The following ZNF475 variants were observed in gnomAD, a reference collection of about 807,000 sequenced individuals.
The protein encoded by ZNF475 is zinc finger protein 475.
the ZNF475 span, among the ~76,000 whole-genome samples, chr5:122,173,983 C>A: frequency 1.1e-3 from 168 of 152,346 alleles, no homozygotes; most frequent in Middle Eastern, 3.4e-3. Context: ...TTCCTCTTTG[C>A]CTTTCTTGGA....
chr5:122,171,036 A>G, the ZNF475 span, among the ~76,000 whole-genome samples: 1 of 152,332 alleles, frequency 6.6e-6, no homozygotes, highest in East Asian at 1.9e-4. Context: ...TTATTATGCC[A>G]CAGCATTGTA....
the ZNF475 span, among the ~76,000 whole-genome samples, chr5:122,162,756 A>C: frequency 6.6e-6 from 1 of 152,202 alleles, no homozygotes; most frequent in Non-Finnish European, 1.5e-5. Context: ...TTATAAACTT[A>C]ACAGAAAACC....
chr5:122,174,707 G>A, the ZNF475 span, among the ~76,000 whole-genome samples: 19 of 152,112 alleles, frequency 1.2e-4, no homozygotes, highest in Admixed American at 9.8e-4. Flanking sequence ...ACGGTGACAC[G>A]AATGTCTTCA....
the ZNF475 span, among the ~76,000 whole-genome samples, chr5:122,165,438 T>C: frequency 6.6e-6 from 1 of 152,162 alleles, no homozygotes; most frequent in Non-Finnish European, 1.5e-5. Context: ...AGGGTAAGGA[T>C]TGTCATGTCT....
At chr5:122,164,524 T>G in the ZNF475 span, among the ~76,000 whole-genome samples, 31 of 152,220 alleles carry the variant, frequency 2.0e-4, no homozygotes, top group African/African-American at 6.7e-4. Context: ...AGGAGCCACA[T>G]GTTTGTGTGA....
the ZNF475 span, among the ~76,000 whole-genome samples, chr5:122,176,298 A>AT: frequency 2.5e-3 from 361 of 142,414 alleles, 1 homozygote; most frequent in African/African-American, 0.01. Context: ...GGTTTTAAAC[A>AT]TTTTTTTTCT....
the ZNF475 span, among the ~76,000 whole-genome samples, chr5:122,168,035 C>T: frequency 1.3e-5 from 2 of 152,054 alleles, no homozygotes; most frequent in African/African-American, 4.8e-5. Context: ...CAGTTGCATT[C>T]GTGTTTTGTT....
chr5:122,178,649 G>T, the ZNF475 span, among the ~76,000 whole-genome samples: 1 of 152,146 alleles, frequency 6.6e-6, no homozygotes, highest in African/African-American at 2.4e-5. Flanking sequence ...TTTGTCAGAT[G>T]AGTAGGTTGA....
the ZNF475 span, among the ~76,000 whole-genome samples, chr5:122,174,628 G>T: frequency 6.6e-6 from 1 of 152,102 alleles, no homozygotes; most frequent in Non-Finnish European, 1.5e-5. Flanking sequence ...CATTTCAGTT[G>T]TTCAGTATGT....
the ZNF475 span, among the ~76,000 whole-genome samples, chr5:122,171,650 A>T: frequency 6.6e-6 from 1 of 152,214 alleles, no homozygotes; most frequent in African/African-American, 2.4e-5. Context: ...ACTGTTTCAC[A>T]TGAAAAGTGA....
the ZNF475 span, among the ~76,000 whole-genome samples, chr5:122,164,439 G>C: frequency 5.3e-5 from 8 of 152,232 alleles, no homozygotes; most frequent in Non-Finnish European, 1.2e-4. Flanking sequence ...AGAGGAGGCA[G>C]TAGCATTGGG....
At chr5:122,168,953 G>T in the ZNF475 span, among the ~76,000 whole-genome samples, 1 of 152,106 alleles carries the variant, frequency 6.6e-6, no homozygotes, top group East Asian at 1.9e-4. Context: ...ATGAAGTCTG[G>T]GATCTGGACC....
At chr5:122,180,370 A>G in the ZNF475 span, among the ~76,000 whole-genome samples, 1 of 152,230 alleles carries the variant, frequency 6.6e-6, no homozygotes, top group Non-Finnish European at 1.5e-5. Context: ...CACAAAACAA[A>G]CTAGAAATCT....
chr5:122,174,789 G>A, the ZNF475 span, among the ~76,000 whole-genome samples: 1 of 151,866 alleles, frequency 6.6e-6, no homozygotes, highest in Non-Finnish European at 1.5e-5. Flanking sequence ...CTTTCCATGT[G>A]GAATTTTATT....
the ZNF475 span, chr5:122,162,138 T>C: frequency 6.6e-6 from 1 of 152,236 alleles, no homozygotes; most frequent in Non-Finnish European, 1.5e-5. Flanking sequence ...ATTGGAAATA[T>C]CAATAGTTCT....
At chr5:122,181,969 A>C in the ZNF475 span, among the ~76,000 whole-genome samples, 917 of 152,310 alleles carry the variant, frequency 6.0e-3, 9 homozygotes, top group African/African-American at 0.021. Context: ...AAGAGATGAT[A>C]AGTTTTTAGG....
the ZNF475 span, among the ~76,000 whole-genome samples, chr5:122,165,020 G>A: frequency 5.3e-5 from 8 of 152,182 alleles, no homozygotes; most frequent in African/African-American, 1.7e-4. Context: ...AGTTCAATAT[G>A]GTCATTCCCA....
At chr5:122,164,832 C>A in the ZNF475 span, among the ~76,000 whole-genome samples, 1 of 152,194 alleles carries the variant, frequency 6.6e-6, no homozygotes, top group South Asian at 2.1e-4. Context: ...CCCCTTCTCA[C>A]CCTGCCTCTG....
At chr5:122,163,862 C>A in the ZNF475 span, among the ~76,000 whole-genome samples, 1 of 152,176 alleles carries the variant, frequency 6.6e-6, no homozygotes, top group Non-Finnish European at 1.5e-5. Flanking sequence ...GGATAGGCTT[C>A]AAGCCTCTTG....
Sources: allele counts gnomAD v4.1 joint callset (sites outside exome capture counted in the v4.1 genomes callset), GRCh38; gene constraint gnomAD v4.1.1; transcripts MANE v1.5; gene names NCBI Gene and HGNC (gene_info 2026-07-23, HGNC 2026-07-21).